IGF2BP3: variants seen among roughly 807,000 people sequenced by gnomAD.
IGF2BP3 encodes the protein insulin-like growth factor 2 mRNA-binding protein 3.
A neutral mutation model predicts 73.8 loss-of-function variants in IGF2BP3; 9 were observed. That is an observed-to-expected ratio of 0.12 (90% confidence interval 0.07 to 0.21). The LOEUF (loss-of-function observed/expected upper bound fraction) is 0.21. Ranked by LOEUF, IGF2BP3 falls within the 10% of genes least tolerant of loss-of-function variation. The pLI is 1.00. For synonymous variants in IGF2BP3, 258 were observed against 256.7 expected (o/e 1.01, Z -0.05); for missense variants, 542 against 714.0 (o/e 0.76, Z 2.75).
chr7:23,415,300 C>T, intron 3 of IGF2BP3: 1 of 248,840 alleles, frequency 4.0e-6, no homozygotes, highest in Non-Finnish European at 8.0e-6. Context: ...GTCAGCATCA[C>T]CACATCCGCA....
intron 2 of IGF2BP3, among the ~76,000 whole-genome samples, chr7:23,467,615 T>C (rs1399651689): frequency 6.6e-6 from 1 of 151,938 alleles, no homozygotes; most frequent in Non-Finnish European, 1.5e-5. Flanking sequence ...AACAAAAAAA[T>C]AGAGCCGGAA....
At chr7:23,428,505 G>A (rs1455139346) in intron 2 of IGF2BP3, among the ~76,000 whole-genome samples, 3 of 148,654 alleles carry the variant, frequency 2.0e-5, no homozygotes, top group African/African-American at 7.4e-5. Flanking sequence ...GCTTCTCTTT[G>A]ATGCTGTATA....
intron 2 of IGF2BP3, among the ~76,000 whole-genome samples, chr7:23,424,141 C>G (rs932667774): frequency 6.7e-6 from 1 of 149,874 alleles, no homozygotes; most frequent in South Asian, 2.1e-4. Context: ...TTTTTTTCAA[C>G]ACAGTTTAAG....
chr7:23,436,218 G>A (rs545875583), intron 2 of IGF2BP3, among the ~76,000 whole-genome samples: 164 of 152,274 alleles, frequency 1.1e-3, no homozygotes, highest in African/African-American at 3.9e-3. Context: ...AGGAAAATTG[G>A]AATATTTAAT....
intron 3 of IGF2BP3, among the ~76,000 whole-genome samples, chr7:23,406,191 T>C (rs902752492): frequency 2.0e-5 from 3 of 152,300 alleles, no homozygotes; most frequent in South Asian, 2.1e-4. Context: ...AGGGGATGGA[T>C]TGAACCTGTT....
chr7:23,394,431 C>T (rs1786384168), intron 3 of IGF2BP3, among the ~76,000 whole-genome samples: 1 of 152,188 alleles, frequency 6.6e-6, no homozygotes, highest in South Asian at 2.1e-4. Flanking sequence ...CATGCCACTG[C>T]ACTCCAGCCT....
intron 2 of IGF2BP3, among the ~76,000 whole-genome samples, chr7:23,449,066 G>C (rs888050791): frequency 2.0e-5 from 3 of 151,160 alleles, no homozygotes; most frequent in African/African-American, 7.3e-5. Flanking sequence ...TCTTCTTTTT[G>C]TTTAGAATTT....
chr7:23,365,719 G>C (rs1438965737), intron 3 of IGF2BP3: 1 of 152,230 alleles, frequency 6.6e-6, no homozygotes, highest in African/African-American at 2.4e-5. Context: ...TCCATGGAGT[G>C]GGCTTCAAGA....
intron 3 of IGF2BP3, chr7:23,415,343 G>T (rs891755932): frequency 4.2e-5 from 10 of 236,618 alleles, no homozygotes; most frequent in African/African-American, 2.4e-4. Flanking sequence ...CGCATCCGCA[G>T]GTCCCGTCCA....
intron 3 of IGF2BP3, among the ~76,000 whole-genome samples, chr7:23,405,794 G>C (rs1367163447): frequency 2.0e-5 from 3 of 152,134 alleles, no homozygotes; most frequent in Non-Finnish European, 2.9e-5. Context: ...TGCATAAAAA[G>C]AGTTTCTGAA....
chr7:23,447,827 A>T (rs1198391099), intron 2 of IGF2BP3, among the ~76,000 whole-genome samples: 2 of 152,102 alleles, frequency 1.3e-5, no homozygotes, highest in Non-Finnish European at 2.9e-5. Context: ...AATAAAATTT[A>T]AAAATTAGCC....
At chr7:23,363,620 T>C (rs1785289328) in intron 3 of IGF2BP3, among the ~76,000 whole-genome samples, 1 of 152,246 alleles carries the variant, frequency 6.6e-6, no homozygotes, top group Non-Finnish European at 1.5e-5. Context: ...AAATTTCCTT[T>C]GCATGAGGTA....
At chr7:23,332,422 C>G (rs533077559) in intron 10 of IGF2BP3, among the ~76,000 whole-genome samples, 335 of 152,330 alleles carry the variant, frequency 2.2e-3, no homozygotes, top group African/African-American at 7.8e-3. Context: ...ATGTAACACA[C>G]TGCAAGTATT....
chr7:23,445,764 A>G (rs1407996353), intron 2 of IGF2BP3, among the ~76,000 whole-genome samples: 4 of 152,208 alleles, frequency 2.6e-5, no homozygotes, highest in Non-Finnish European at 4.4e-5. Context: ...CCTGCAGGTG[A>G]TTAACAATTA....
At chr7:23,459,368 C>A (rs992396007) in intron 2 of IGF2BP3, among the ~76,000 whole-genome samples, 4 of 152,160 alleles carry the variant, frequency 2.6e-5, no homozygotes, top group Non-Finnish European at 5.9e-5. Flanking sequence ...TCTTCTATTT[C>A]TTTTAGCAAA....
rs893418069 is a variant in IGF2BP3 at position 23,313,661 on chromosome 7, T to C, written c.1396-8A>G. 1 of 1,612,876 alleles carries C rather than the reference T, an allele frequency of 6.2e-7. No individual in the cohort carries two copies. Among genetic ancestry groups the C allele is most frequent in the African/African-American group, 1.3e-5 (1 of 74,956 alleles). On this transcript the variant is annotated splice_polypyrimidine_tract_variant and splice_region_variant and intron_variant, in intron 12 of 14. Transcript: ENST00000258729. ...ATAAATTCTTCCCTGAGCCTGCAGATGAAAACACATCCTATTAGTGTCATT... is the reference window on the plus strand; with the variant it reads ...ATAAATTCTTCCCTGAGCCTGCAGACGAAAACACATCCTATTAGTGTCATT...
intron 3 of IGF2BP3, among the ~76,000 whole-genome samples, chr7:23,377,696 A>G (rs1785771798): frequency 6.6e-6 from 1 of 152,210 alleles, no homozygotes; most frequent in South Asian, 2.1e-4. Flanking sequence ...TTCAATGGAA[A>G]CAACCTAAAT....
rs552106095 is a variant in IGF2BP3 at position 23,311,313 on chromosome 7, C to G, written c.*1049G>C. ...AAGCTAAAGCTTGCTTTTTGCCAGT[C>G]AGTTGAAAGTCTTGCATCTCTTCAC... On this transcript the variant is annotated 3_prime_UTR_variant, in exon 15 of 15. Coordinates refer to ENST00000258729, the MANE Select transcript of IGF2BP3 (RefSeq NM_006547.3). The G allele has an allele frequency of 1.3e-5, 2 of 152,638 alleles. No homozygotes were observed. Among genetic ancestry groups the G allele is most frequent in the East Asian group, 3.9e-4 (2 of 5,186 alleles). 9.5% of individuals were successfully genotyped at this position (152,638 alleles called of 1,614,324 possible). A position where few individuals can be genotyped will look rare whatever the true frequency, so the allele number is the denominator to read the frequency against.
At chr7:23,337,398 T>A (rs1006323219) in intron 10 of IGF2BP3, among the ~76,000 whole-genome samples, 2 of 152,268 alleles carry the variant, frequency 1.3e-5, no homozygotes, top group Non-Finnish European at 2.9e-5. Flanking sequence ...ATTTAGATTC[T>A]GCTTTTTGAG....
Sources: allele counts gnomAD v4.1 joint callset (sites outside exome capture counted in the v4.1 genomes callset), GRCh38; gene constraint gnomAD v4.1.1; transcripts MANE v1.5; gene names NCBI Gene and HGNC (gene_info 2026-07-23, HGNC 2026-07-21).